YPEL2: variants seen among roughly 807,000 people sequenced by gnomAD.
YPEL2 encodes the protein protein yippee-like 2.
In YPEL2, 2 loss-of-function variants were observed where a neutral mutation model predicts 19.1. That is an observed-to-expected ratio of 0.10 (90% CI 0.04 to 0.33). The LOEUF (loss-of-function observed/expected upper bound fraction) is 0.33. Ranked by LOEUF, YPEL2 falls within the 10% of genes least tolerant of loss-of-function variation. YPEL2 has a pLI of 1.00. For synonymous variants in YPEL2, 52 were observed against 50.0 expected, an observed-to-expected ratio of 1.04 and a Z score of -0.17; for missense variants, 66 against 140.7, an observed-to-expected ratio of 0.47 and a Z score of 2.68.
intron 2 of YPEL2, among the ~76,000 whole-genome samples, chr17:59,374,999 T>TG (rs1376237186): frequency 6.6e-6 from 1 of 152,196 alleles, no homozygotes; most frequent in Non-Finnish European, 1.5e-5. Context: ...GATCTAAAGA[T>TG]GGAGGAATCA....
chr17:59,379,961 C>T (rs185191451), intron 2 of YPEL2, among the ~76,000 whole-genome samples: 402 of 151,406 alleles, frequency 2.7e-3, no homozygotes, highest in Admixed American at 4.8e-3. Flanking sequence ...CCCGGGTTCA[C>T]GTGATTTTCC....
intron 4 of YPEL2, among the ~76,000 whole-genome samples, chr17:59,390,511 C>T (rs577377073): frequency 4.6e-5 from 7 of 152,196 alleles, no homozygotes; most frequent in Non-Finnish European, 1.0e-4. Flanking sequence ...CACCTAGGTC[C>T]CAGGCCCTGA....
chr17:59,381,697 C>G (rs2047950112), intron 2 of YPEL2, among the ~76,000 whole-genome samples: 1 of 152,122 alleles, frequency 6.6e-6, no homozygotes, highest in African/African-American at 2.4e-5. Flanking sequence ...GGAACTATTA[C>G]TTTACTTTAA....
At chr17:59,384,418 A>G (rs886696639) in intron 2 of YPEL2, among the ~76,000 whole-genome samples, 4 of 152,184 alleles carry the variant, frequency 2.6e-5, no homozygotes, top group Admixed American at 2.6e-4. Context: ...AAACATTGCA[A>G]AGACCCTGCT....
chr17:59,332,768 GC>G (rs1004218499), intron 1 of YPEL2, among the ~76,000 whole-genome samples: 1 of 152,144 alleles, frequency 6.6e-6, no homozygotes, highest in Non-Finnish European at 1.5e-5. Context: ...ACCCTCGCCC[GC>G]CCCCCAGTCC....
chr17:59,349,299 C>T (rs891657787), intron 1 of YPEL2, among the ~76,000 whole-genome samples: 1 of 151,240 alleles, frequency 6.6e-6, no homozygotes, highest in Non-Finnish European at 1.5e-5. Context: ...CCCCATCTCT[C>T]AGCTTGTTCC....
chr17:59,336,770 G>T (rs897137090), intron 1 of YPEL2, among the ~76,000 whole-genome samples: 1 of 152,068 alleles, frequency 6.6e-6, no homozygotes, highest in Non-Finnish European at 1.5e-5. Context: ...GTGTGGTGGG[G>T]TCAGAGGAGG....
intron 2 of YPEL2, among the ~76,000 whole-genome samples, chr17:59,364,932 G>A (rs1028835793): frequency 1.3e-5 from 2 of 152,178 alleles, no homozygotes; most frequent in African/African-American, 2.4e-5. Context: ...GCGCCCATCC[G>A]CCTTTGCGTC....
intron 1 of YPEL2, among the ~76,000 whole-genome samples, chr17:59,347,284 G>A (rs12936897): frequency 0.42 from 64,560 of 151,970 alleles, 14,036 homozygotes; most frequent in South Asian, 0.57. Flanking sequence ...TTTGAAACTA[G>A]TTCCAGGTCC....
At chr17:59,339,392 G>A (rs1020111761) in intron 1 of YPEL2, among the ~76,000 whole-genome samples, 3 of 152,166 alleles carry the variant, frequency 2.0e-5, no homozygotes, top group African/African-American at 7.2e-5. Flanking sequence ...TGCTTCATTA[G>A]CAGAGAGGTA....
chr17:59,343,734 C>T (rs1230749005), intron 1 of YPEL2, among the ~76,000 whole-genome samples: 1 of 152,006 alleles, frequency 6.6e-6, no homozygotes, highest in East Asian at 1.9e-4. Flanking sequence ...CTTGGTGCCA[C>T]CTGAAGGGTT....
rs192473192 is a variant in YPEL2, at chr17:59,338,128, T to G, written c.-196+6304T>G. Among the ~76,000 whole-genome samples the G allele has an allele frequency of 7.9e-5, 12 of 152,324 alleles. No individual in the cohort carries two copies. The East Asian group carries it at 2.3e-3, about 29-fold the overall frequency. Reference sequence around the variant, plus strand: ...GAGGAGTCAGCCCTCCCCTGTGGTCTTAAAAGCAGTGTGTCTAGACTGAGT... The same window carrying G: ...GAGGAGTCAGCCCTCCCCTGTGGTCGTAAAAGCAGTGTGTCTAGACTGAGT... On this transcript the variant is annotated intron_variant, in intron 1 of 4. Transcript: ENST00000312655.
At chr17:59,374,254 T>C (rs2047909883) in intron 2 of YPEL2, among the ~76,000 whole-genome samples, 1 of 152,250 alleles carries the variant, frequency 6.6e-6, no homozygotes, top group Non-Finnish European at 1.5e-5. Context: ...AGCATCAGTG[T>C]GTGCTCTTGC....
At chr17:59,366,618 C>T (rs2047870804) in intron 2 of YPEL2, among the ~76,000 whole-genome samples, 1 of 152,232 alleles carries the variant, frequency 6.6e-6, no homozygotes, top group African/African-American at 2.4e-5. Flanking sequence ...GGCCTCTCCC[C>T]ACTGGGTGGG....
intron 4 of YPEL2, among the ~76,000 whole-genome samples, chr17:59,395,657 C>T (rs557413254): frequency 1.3e-5 from 2 of 152,112 alleles, no homozygotes; most frequent in Non-Finnish European, 2.9e-5. Context: ...GGAGTTTATA[C>T]AGCTCCTGTC....
At chr17:59,377,537 G>A (rs1340034060) in intron 2 of YPEL2, among the ~76,000 whole-genome samples, 2 of 152,180 alleles carry the variant, frequency 1.3e-5, no homozygotes, top group Non-Finnish European at 2.9e-5. Flanking sequence ...CATCCTTCTG[G>A]ACGAGGCATA....
rs1367187778 is a variant in YPEL2, at chr17:59,398,785, A to G, written c.*1595A>G. On this transcript the variant is annotated 3_prime_UTR_variant, in exon 5 of 5. Coordinates refer to ENST00000312655, the MANE Select transcript of YPEL2 (RefSeq NM_001005404.4). ...GTAGGCCGACCTTCTCGGAAAATTCACCCTAAAAGTCTCACAAAAGAATGA... is the reference window on the plus strand; with the variant it reads ...GTAGGCCGACCTTCTCGGAAAATTCGCCCTAAAAGTCTCACAAAAGAATGA... 1 of 152,110 alleles carries G rather than the reference A, an allele frequency of 6.6e-6. No individual in the cohort carries two copies. Among genetic ancestry groups the G allele is most frequent in the African/African-American group, 2.4e-5 (1 of 41,394 alleles). 9.4% of individuals were successfully genotyped at this position (152,110 alleles called of 1,614,324 possible). A position where few individuals can be genotyped will look rare whatever the true frequency, so the allele number is the denominator to read the frequency against.
At position 59,398,376 on chromosome 17, in the gene YPEL2, C is replaced by T. The variant is rs180808589; in HGVS notation, c.*1186C>T. The T allele has an allele frequency of 5.3e-5, 8 of 152,334 alleles. No individual in the cohort carries two copies. Among genetic ancestry groups the T allele is most frequent in the African/African-American group, 1.7e-4 (7 of 41,566 alleles). 9.4% of individuals were successfully genotyped at this position (152,334 alleles called of 1,614,324 possible). A position where few individuals can be genotyped will look rare whatever the true frequency, so the allele number is the denominator to read the frequency against. On this transcript the variant is annotated 3_prime_UTR_variant, in exon 5 of 5. Coordinates refer to ENST00000312655, the MANE Select transcript of YPEL2 (RefSeq NM_001005404.4). ...GACTGTAGAAAGCACGGGCCCCAGGCTCTGAGCTTAGTAATAACCTGGCTG... is the reference window on the plus strand; with the variant it reads ...GACTGTAGAAAGCACGGGCCCCAGGTTCTGAGCTTAGTAATAACCTGGCTG...
chr17:59,342,726 C>T (rs149247419), intron 1 of YPEL2, among the ~76,000 whole-genome samples: 1 of 152,368 alleles, frequency 6.6e-6, no homozygotes, highest in Non-Finnish European at 1.5e-5. Context: ...ACATTTGGCT[C>T]TCTCGTCTGC....
Sources: gnomAD v4.1 joint callset for allele counts (sites outside exome capture counted in the v4.1 genomes callset) on GRCh38, gnomAD v4.1.1 for gene constraint, MANE v1.5 for transcripts, NCBI Gene and HGNC (gene_info 2026-07-23, HGNC 2026-07-21) for gene names.